The following OCA2 variants were observed in gnomAD, a reference collection of about 807,000 sequenced individuals.
OCA2 encodes the protein OCA2 melanosomal transmembrane protein, also known as P protein.
A neutral mutation model predicts 100.2 loss-of-function variants in OCA2; 77 were observed. The ratio of observed to expected loss-of-function variants is 0.77; its 90% CI spans 0.64 to 0.93. The LOEUF (loss-of-function observed/expected upper bound fraction) is 0.93, where lower values mean the gene tolerates loss of function less well. Among genes scored for constraint, OCA2 ranks in the 40% least tolerant of loss-of-function variants. The pLI, the probability that OCA2 is intolerant of heterozygous loss-of-function variation, is 0.00. For missense variants in OCA2, 1,062 were observed against 1,089.1 expected (o/e 0.98, Z 0.35); for synonymous variants, 432 against 439.2 (o/e 0.98, Z 0.21).
chr15:27,771,048 TC>T, intron 23 of OCA2, among the ~76,000 whole-genome samples: 2 of 142,812 alleles, frequency 1.4e-5, no homozygotes, highest in African/African-American at 2.7e-5. Flanking sequence ...CTCTTTTCCT[TC>T]CTTTCCTTCC....
At chr15:28,086,881 C>T (rs2044784705) in intron 1 of OCA2, among the ~76,000 whole-genome samples, 1 of 152,084 alleles carries the variant, frequency 6.6e-6, no homozygotes, top group Non-Finnish European at 1.5e-5. Flanking sequence ...ATTACTCAAC[C>T]TGAACAATAG....
At chr15:28,068,888 A>G (rs1419947731) in intron 2 of OCA2, among the ~76,000 whole-genome samples, 2 of 152,194 alleles carry the variant, frequency 1.3e-5, no homozygotes, top group Non-Finnish European at 2.9e-5. Flanking sequence ...ATAAAATCCA[A>G]CAGCCCCTCA....
chr15:28,057,355 A>C (rs1339636054), intron 2 of OCA2, among the ~76,000 whole-genome samples: 2 of 152,212 alleles, frequency 1.3e-5, no homozygotes, highest in Non-Finnish European at 2.9e-5. Context: ...ACTCCAAGAC[A>C]TTGCCCTGTG....
chr15:28,056,477 G>A lies in OCA2; in HGVS notation c.228-24314C>T, dbSNP rs1037209. Among the ~76,000 whole-genome samples, 13 of 152,356 alleles carry A rather than the reference G, an allele frequency of 8.5e-5. No individual in the cohort carries two copies. In the South Asian group the frequency reaches 2.7e-3, roughly 32 times the overall value. ...AGCCAAACCCAACACCTGTCAAGAT[G>A]TAGGACCCTGCACTGGGAAAACGGT... On this transcript the variant is annotated intron_variant, in intron 2 of 23. Transcript: ENST00000354638.
chr15:27,792,503 A>G (rs913581929), intron 23 of OCA2, among the ~76,000 whole-genome samples: 1 of 152,136 alleles, frequency 6.6e-6, no homozygotes, highest in African/African-American at 2.4e-5. Flanking sequence ...CAGTCTGCAC[A>G]GTCCTTCCTG....
At chr15:28,068,660 T>C (rs2044098880) in intron 2 of OCA2, among the ~76,000 whole-genome samples, 1 of 152,176 alleles carries the variant, frequency 6.6e-6, no homozygotes, top group Non-Finnish European at 1.5e-5. Context: ...TTCAGAACAA[T>C]ATCCCTCATG....
rs139466462 is a variant in OCA2, at chr15:27,933,954, A to G, written c.1952-7700T>C. On this transcript the variant is annotated intron_variant, in intron 18 of 23. Coordinates refer to ENST00000354638, the MANE Select transcript of OCA2 (RefSeq NM_000275.3). Reference sequence around the variant, plus strand: ...AAATGACAAGTTGTATGTGTTATATACATATCACATATGTATTTGATATAT... The same window carrying G: ...AAATGACAAGTTGTATGTGTTATATGCATATCACATATGTATTTGATATAT... Among the ~76,000 whole-genome samples the G allele has an allele frequency of 2.2e-3, 334 of 152,314 alleles. 2 individuals carry two copies. Among genetic ancestry groups the G allele is most frequent in the African/African-American group, 7.7e-3 (321 of 41,548 alleles).
chr15:27,752,793 G>T (rs2030109988), downstream of OCA2, among the ~76,000 whole-genome samples: 1 of 46,448 alleles, frequency 2.2e-5, no homozygotes, highest in Non-Finnish European at 3.2e-5. Context: ...CCAGGTCCTG[G>T]TCCCCCACCC....
chr15:27,777,779 G>C (rs2032319732), intron 23 of OCA2, among the ~76,000 whole-genome samples: 1 of 152,192 alleles, frequency 6.6e-6, no homozygotes, highest in Non-Finnish European at 1.5e-5. Flanking sequence ...GAGGTCAGGA[G>C]CACCTGGAGG....
chr15:27,756,072 T>C (rs1236668312), intron 23 of OCA2, among the ~76,000 whole-genome samples: 1 of 152,210 alleles, frequency 6.6e-6, no homozygotes, highest in East Asian at 1.9e-4. Flanking sequence ...CATCCCTCAT[T>C]GTGTGCCTCC....
chr15:27,937,464 T>C (rs111362870), intron 18 of OCA2, among the ~76,000 whole-genome samples: 12 of 152,366 alleles, frequency 7.9e-5, no homozygotes, highest in African/African-American at 2.6e-4. Flanking sequence ...TTCTAAACTT[T>C]AGTAGATGCT....
chr15:27,804,250 G>T (rs1389967370), intron 23 of OCA2, among the ~76,000 whole-genome samples: 1 of 152,168 alleles, frequency 6.6e-6, no homozygotes, highest in African/African-American at 2.4e-5. Context: ...GCAAACTGCG[G>T]CGTTCTACCC....
chr15:27,779,779 G>T (rs1291331795), intron 23 of OCA2, among the ~76,000 whole-genome samples: 4 of 152,214 alleles, frequency 2.6e-5, no homozygotes, highest in African/African-American at 7.2e-5. Flanking sequence ...TTACTGATAG[G>T]GAAGGATTTA....
At chr15:27,930,750 C>T (rs186585146) in intron 18 of OCA2, among the ~76,000 whole-genome samples, 2 of 151,694 alleles carry the variant, frequency 1.3e-5, no homozygotes, top group East Asian at 4.0e-4. Flanking sequence ...GCTCAAGGAG[C>T]TCCTCAGTGT....
intron 2 of OCA2, among the ~76,000 whole-genome samples, chr15:28,053,286 C>G (rs530879754): frequency 8.5e-5 from 13 of 152,178 alleles, no homozygotes; most frequent in Admixed American, 2.0e-4. Context: ...GGGCACAAGA[C>G]AGCCACGTTC....
Position 28,027,987 on chromosome 15 carries a change from G to C in OCA2, c.399C>G (p.Asp133Glu). Residue 133 changes from aspartate to glutamate, a missense_variant, in exon 4 of 24, where the codon GAC (aspartate) becomes GAG (glutamate). Transcript: ENST00000354638. ...TGCTTAGCAGGTATCTTCGCTCCCA[G>C]TCAGCAGAGCTGTCTTCCCAAGACT... ...AEESWEDSSA[D>E]WERRYLLSRE... 1 of 1,614,208 alleles carries C rather than the reference G, an allele frequency of 6.2e-7. No homozygotes were observed. Among genetic ancestry groups the C allele is most frequent in the Non-Finnish European group, 8.5e-7 (1 of 1,180,034 alleles).
chr15:28,028,433 G>T (rs1334564218), intron 3 of OCA2, among the ~76,000 whole-genome samples: 1 of 152,150 alleles, frequency 6.6e-6, no homozygotes, highest in Non-Finnish European at 1.5e-5. Context: ...TGGGAGACTT[G>T]TCCAGGGTGA....
chr15:27,985,337 C>T (rs1567194132), intron 12 of OCA2, 149 bp from the exon 13 acceptor site: 3 of 891,356 alleles, frequency 3.4e-6, no homozygotes, highest in Admixed American at 2.0e-5. Flanking sequence ...CTAGGGGGGC[C>T]GAGATGAGAC....
At chr15:27,721,199 T>C in the OCA2 span, among the ~76,000 whole-genome samples, 3 of 152,204 alleles carry the variant, frequency 2.0e-5, no homozygotes, top group African/African-American at 7.2e-5. Flanking sequence ...CAAATCCATT[T>C]ATTAACAAAT....
Sources: gnomAD v4.1 joint callset for allele counts (sites outside exome capture counted in the v4.1 genomes callset) on GRCh38, gnomAD v4.1.1 for gene constraint, MANE v1.5 for transcripts, NCBI Gene and HGNC (gene_info 2026-07-23, HGNC 2026-07-21) for gene names.